LCN6: variants seen among roughly 807,000 people sequenced by gnomAD.
LCN6 encodes lipocalin 6, also known as epididymal-specific lipocalin-6.
In LCN6, 20 loss-of-function variants were observed where a neutral mutation model predicts 21.4. The observed-to-expected ratio is 0.93, with a 90% CI of 0.66 to 1.36. LCN6 has a LOEUF of 1.36. Among genes scored for constraint, LCN6 ranks in the 40% most tolerant of loss-of-function variants. The pLI, the probability that LCN6 is intolerant of heterozygous loss-of-function variation, is 0.00. For missense variants in LCN6, 217 were observed against 206.6 expected (o/e 1.05, Z -0.31); for synonymous variants, 96 against 89.0 (o/e 1.08, Z -0.44).
intron 3 of LCN6, 166 bp downstream of exon 3, chr9:136,745,678 G>C (rs1847027883): frequency 1.5e-6 from 1 of 687,620 alleles, no homozygotes; most frequent in Non-Finnish European, 2.6e-6. Flanking sequence ...CCAATCCTCT[G>C]TCCAGGGGCT....
At chr9:136,746,160 G>A (rs2131077323) in intron 2 of LCN6, 1 of 475,812 alleles carries the variant, frequency 2.1e-6, no homozygotes, top group South Asian at 2.3e-5. Flanking sequence ...CAGGAACGCT[G>A]AATGCTGCTG....
At chr9:136,748,343 G>T in intron 1 of LCN6, 51 bp downstream of exon 1, 1 of 1,504,286 alleles carries the variant, frequency 6.6e-7, no homozygotes, top group East Asian at 2.4e-5. Flanking sequence ...GGCCTTAAAG[G>T]AGGGGCTGGC....
rs200402405 is a variant in LCN6 at position 136,745,812 on chromosome 9, G to A, written c.301+32C>T. 9.2e-5 allele frequency: 148 copies of A among 1,601,020 alleles called. No homozygotes were observed. The African/African-American group carries it at 1.0e-3, about 11-fold the overall frequency. On this transcript the variant is annotated intron_variant, in intron 3 of 6. Coordinates refer to ENST00000341206, the MANE Select transcript of LCN6 (RefSeq NM_198946.3). ...GCCTGGGGATGCTGCAGGGAAGAAC[G>A]GCCTGGGTGAGGCCGTGGCCGTCAG...
At chr9:136,745,059 G>C (rs1847017536) in intron 4 of LCN6, 111 bp downstream of exon 4, 1 of 983,856 alleles carries the variant, frequency 1.0e-6, no homozygotes, top group Admixed American at 1.8e-5. Context: ...TCACCACACA[G>C]CTCCCCACGC....
intron 2 of LCN6, among the ~76,000 whole-genome samples, chr9:136,746,621 C>CA (rs1554761799): frequency 1.3e-5 from 2 of 151,910 alleles, no homozygotes; most frequent in East Asian, 3.9e-4. Context: ...AGGCCTGGCC[C>CA]GGGGGGTGCA....
intron 1 of LCN6, 86 bp downstream of exon 1, chr9:136,748,308 G>T: frequency 8.3e-7 from 1 of 1,208,900 alleles, no homozygotes; most frequent in Non-Finnish European, 1.2e-6. Flanking sequence ...GTCTGGGCTA[G>T]CCCTGGGGGG....
intron 3 of LCN6, 84 bp from the exon 4 acceptor site, chr9:136,745,364 C>G (rs2131076613): frequency 1.1e-6 from 1 of 917,786 alleles, no homozygotes; most frequent in East Asian, 2.5e-5. Context: ...GCCACAGGGA[C>G]AGAGGGGCCA....
chr9:136,745,387 G>A (rs1041590038), intron 3 of LCN6, 107 bp from the exon 4 acceptor site: 6 of 765,124 alleles, frequency 7.8e-6, no homozygotes, highest in Admixed American at 4.1e-5. Context: ...TCAAGTGAGA[G>A]CCCCCCTCCC....
In LCN6 at chr9:136,747,575, C is replaced by A; in HGVS notation, c.91-12G>T. 1 of 1,607,138 alleles carries A rather than the reference C, an allele frequency of 6.2e-7. No homozygotes were observed. ...CAGGGCCCAAGAAGCTGCATTGAGG[C>A]GGCTCCCGTTAGGGCCGCCAGCCCT... On this transcript the variant is annotated splice_polypyrimidine_tract_variant and intron_variant, in intron 1 of 6. Coordinates refer to ENST00000341206, the MANE Select transcript of LCN6 (RefSeq NM_198946.3).
At position 136,745,203 on chromosome 9, in the gene LCN6, C is replaced by G; in HGVS notation, c.379G>C (p.Gly127Arg). 6 of 1,613,588 alleles carry G rather than the reference C, an allele frequency of 3.7e-6. No individual in the cohort carries two copies. Among genetic ancestry groups the G allele is most frequent in the African/African-American group, 1.3e-5 (1 of 75,034 alleles). The change falls in exon 4 of 7, where the codon GGG becomes CGG. Residue 127 changes from glycine (G) to arginine (R), a missense_variant. Physicochemically the swap from Gly to Arg is moderately radical, Grantham distance 125. Transcript: ENST00000341206. ...TCCACGGTGTTGAAGGGCTCGTCCC[C>G]GAACTCCAGCTGAGTGAAGATGATG... The part of the protein sequence containing the change: ...YAIIFTQLEF[G>R]DEPFNTVELY...
intron 3 of LCN6, chr9:136,745,594 G>A (rs565744200): frequency 8.4e-6 from 5 of 593,920 alleles, no homozygotes; most frequent in East Asian, 5.6e-5. Context: ...CCACTAAACA[G>A]GCCCCTCGCC....
rs2131075324 is a variant in LCN6, at chr9:136,744,515, C to T, written c.*22+125G>A. The T allele has an allele frequency of 1.6e-6, 1 of 625,696 alleles. No homozygotes were observed. Among genetic ancestry groups the T allele is most frequent in the Non-Finnish European group, 2.8e-6 (1 of 351,392 alleles). The allele number at this position is 625,696 out of a possible 1,614,324, so 38.8% of individuals were successfully genotyped here. On this transcript the variant is annotated intron_variant, in intron 5 of 6. Transcript: ENST00000341206. The surrounding 1 kb of genome is among the most constrained non-coding windows in gnomAD (Gnocchi z 4.2). ...GAAGACCCCCTCAGCCTGCCTGACTCCTTCAGGGCGACTGAGTCAGGCAGA... is the reference window on the plus strand; with the variant it reads ...GAAGACCCCCTCAGCCTGCCTGACTTCTTCAGGGCGACTGAGTCAGGCAGA...
intron 3 of LCN6, 175 bp from the exon 4 acceptor site, chr9:136,745,455 C>A (rs1008918830): frequency 8.4e-6 from 5 of 594,516 alleles, no homozygotes; most frequent in Non-Finnish European, 1.5e-5. Context: ...ACCCCCGACC[C>A]CACCTGGTGC....
intron 3 of LCN6, chr9:136,745,610 C>T: frequency 1.7e-6 from 1 of 600,292 alleles, no homozygotes; most frequent in Non-Finnish European, 3.0e-6. Context: ...TCGCCCTCTG[C>T]ACCTATGGGG....
chr9:136,744,362 T>C lies in LCN6; in HGVS notation c.*25A>G. 1 of 362,510 alleles carries C rather than the reference T, an allele frequency of 2.8e-6. No individual in the cohort carries two copies. Among genetic ancestry groups the C allele is most frequent in the Non-Finnish European group, 5.1e-6 (1 of 194,874 alleles). 22.5% of individuals were successfully genotyped at this position (362,510 alleles called of 1,614,324 possible). On this transcript the variant is annotated splice_region_variant and 3_prime_UTR_variant, in exon 6 of 7. Coordinates refer to ENST00000341206, the MANE Select transcript of LCN6 (RefSeq NM_198946.3). The surrounding 1 kb of genome is among the most constrained non-coding windows in gnomAD (Gnocchi z 4.2). ...ACCAGAAGGATCTTGTGAGCACAGG[T>C]GACTAGAAGGGGAGGCAAGACTGGC...
chr9:136,745,385 G>A, intron 3 of LCN6, 105 bp from the exon 4 acceptor site: 1 of 775,200 alleles, frequency 1.3e-6, no homozygotes, highest in Non-Finnish European at 2.2e-6. Context: ...ATTCAAGTGA[G>A]AGCCCCCCTC....
Position 136,744,370 on chromosome 9 carries a change from AG to A in LCN6, c.*23-7del, listed in dbSNP as rs2131075123. On this transcript the variant is annotated splice_polypyrimidine_tract_variant and splice_region_variant and intron_variant, in intron 5 of 6. Transcript: ENST00000341206. The surrounding 1 kb of genome is among the most constrained non-coding windows in gnomAD (Gnocchi z 4.2). ...GATCTTGTGAGCACAGGTGACTAGAAGGGGAGGCAAGACTGGCTGTGAAAAA... is the reference window on the plus strand; with the variant it reads ...GATCTTGTGAGCACAGGTGACTAGAAGGGAGGCAAGACTGGCTGTGAAAAA... The A allele has an allele frequency of 2.5e-6, 1 of 392,350 alleles. No individual in the cohort carries two copies. Among genetic ancestry groups the A allele is most frequent in the Admixed American group, 3.6e-5 (1 of 27,724 alleles). The allele number at this position is 392,350 out of a possible 1,614,324, so 24.3% of individuals were successfully genotyped here.
In LCN6 at chr9:136,744,776, C is replaced by T. The variant is rs1292210124; in HGVS notation, c.413-35G>A. 14 of 1,473,786 alleles carry T rather than the reference C, an allele frequency of 9.5e-6. No individual in the cohort carries two copies. The highest frequency in any genetic ancestry group is 1.4e-5 in the African/African-American group (1 of 72,262). The allele number at this position is 1,473,786 out of a possible 1,614,324, so 91.3% of individuals were successfully genotyped here. On this transcript the variant is annotated intron_variant, in intron 4 of 6. Coordinates refer to ENST00000341206, the MANE Select transcript of LCN6 (RefSeq NM_198946.3). This position sits in a 1 kb window ranked among gnomAD's most constrained non-coding sequence, Gnocchi z 4.2. ...CCAGGGCAGTGCAGGGGGAAGCAAC[C>T]TCTGAGAGCTGGGGAGGGGCCGGGG...
Position 136,744,735 on chromosome 9 carries a change from G to T in LCN6, c.419C>A (p.Thr140Lys). The T allele has an allele frequency of 6.2e-7, 1 of 1,608,040 alleles. No homozygotes were observed. The highest frequency in any genetic ancestry group is 8.5e-7 in the Non-Finnish European group (1 of 1,177,104). Reference sequence around the variant, plus strand: ...CATGGCCTCCTGGCTGGCTGTCTCCGTCAGACCTGGGGGCACCAGGGCAGT... The same window carrying T: ...CATGGCCTCCTGGCTGGCTGTCTCCTTCAGACCTGGGGGCACCAGGGCAGT... ...PFNTVELYSL[T>K]ETASQEAMGL... The change falls in exon 5 of 7, where the codon ACG becomes AAG. Residue 140 changes from threonine (T) to lysine (K), a missense_variant. By Grantham distance (78) the Thr-to-Lys change is moderately conservative. Coordinates refer to ENST00000341206, the MANE Select transcript of LCN6 (RefSeq NM_198946.3). This position sits in a 1 kb window ranked among gnomAD's most constrained non-coding sequence, Gnocchi z 4.2.
Sources: gnomAD v4.1 joint callset for allele counts (sites outside exome capture counted in the v4.1 genomes callset) on GRCh38, gnomAD v4.1.1 for gene constraint, Gnocchi (gnomAD v3.1) non-coding constraint, MANE v1.5 for transcripts, NCBI Gene and HGNC (gene_info 2026-07-23, HGNC 2026-07-21) for gene names.